The following SGMS1 variants were observed in gnomAD, a reference collection of about 807,000 sequenced individuals.
SGMS1 encodes phosphatidylcholine:ceramide cholinephosphotransferase 1.
A neutral mutation model predicts 46.2 loss-of-function variants in SGMS1; 13 were observed. The ratio of observed to expected loss-of-function variants is 0.28; its 90% confidence interval spans 0.18 to 0.45. SGMS1 has a LOEUF of 0.45. Ranked by LOEUF, SGMS1 falls within the 20% of genes least tolerant of loss-of-function variation. SGMS1 has a pLI of 1.00. For missense variants in SGMS1, 324 were observed against 519.9 expected (o/e 0.62, Z 3.66); for synonymous variants, 203 against 187.8 (o/e 1.08, Z -0.66).
chr10:50,616,227 A>G (rs1212684335), intron 1 of SGMS1, among the ~76,000 whole-genome samples: 1 of 152,082 alleles, frequency 6.6e-6, no homozygotes, highest in Non-Finnish European at 1.5e-5. Flanking sequence ...CAAGCCTCCC[A>G]CATCAGCCCC....
At chr10:50,357,173 C>T (rs1193082875) in intron 6 of SGMS1, among the ~76,000 whole-genome samples, 1 of 151,614 alleles carries the variant, frequency 6.6e-6, no homozygotes, top group African/African-American at 2.4e-5. Context: ...AAGAAATGTG[C>T]TAAATTCAAT....
intron 7 of SGMS1, among the ~76,000 whole-genome samples, chr10:50,330,695 G>T (rs1053026514): frequency 2.6e-5 from 4 of 152,160 alleles, no homozygotes; most frequent in African/African-American, 9.7e-5. Flanking sequence ...CTTGACAATG[G>T]TGCAGTGGAA....
At chr10:50,337,780 A>C (rs1847739131) in intron 7 of SGMS1, among the ~76,000 whole-genome samples, 1 of 152,102 alleles carries the variant, frequency 6.6e-6, no homozygotes, top group African/African-American at 2.4e-5. Flanking sequence ...CATTCACAGA[A>C]GAGAGGAAAA....
intron 6 of SGMS1, among the ~76,000 whole-genome samples, chr10:50,381,869 C>A (rs188423059): frequency 1.3e-5 from 2 of 152,052 alleles, no homozygotes; most frequent in African/African-American, 4.8e-5. Flanking sequence ...AAAAATAGGG[C>A]GGTCCAAGAA....
intron 2 of SGMS1, among the ~76,000 whole-genome samples, chr10:50,587,344 T>C (rs1838493257): frequency 6.6e-6 from 1 of 152,132 alleles, no homozygotes; most frequent in Non-Finnish European, 1.5e-5. Flanking sequence ...GCATAAAATA[T>C]ATGTCATTGG....
chr10:50,479,000 C>G (rs990622162), intron 3 of SGMS1, among the ~76,000 whole-genome samples: 2 of 136,600 alleles, frequency 1.5e-5, no homozygotes, highest in South Asian at 4.4e-4. Flanking sequence ...CATCCACCCC[C>G]CAACCAGTTC....
At chr10:50,569,952 T>C (rs1172079495) in intron 2 of SGMS1, among the ~76,000 whole-genome samples, 1 of 152,130 alleles carries the variant, frequency 6.6e-6, no homozygotes, top group African/African-American at 2.4e-5. Flanking sequence ...GTGACAATAA[T>C]TGTGGTTAAT....
intron 5 of SGMS1, among the ~76,000 whole-genome samples, chr10:50,439,384 T>C (rs1849514058): frequency 6.6e-6 from 1 of 152,162 alleles, no homozygotes; most frequent in African/African-American, 2.4e-5. Flanking sequence ...ATCTGAAAGC[T>C]GAGAAATGCT....
At chr10:50,384,005 CT>C (rs1336900216) in intron 6 of SGMS1, among the ~76,000 whole-genome samples, 5 of 152,270 alleles carry the variant, frequency 3.3e-5, no homozygotes, top group African/African-American at 1.2e-4. Context: ...CCCTAGAGGA[CT>C]TCTTCAACCC....
At chr10:50,367,337 C>T (rs1310683215) in intron 6 of SGMS1, among the ~76,000 whole-genome samples, 2 of 152,186 alleles carry the variant, frequency 1.3e-5, no homozygotes, top group African/African-American at 4.8e-5. Flanking sequence ...TTCAAGTCTA[C>T]CTCCCAAAAT....
chr10:50,467,824 G>C (rs1837343998), intron 3 of SGMS1, among the ~76,000 whole-genome samples: 1 of 152,216 alleles, frequency 6.6e-6, no homozygotes, highest in Admixed American at 6.5e-5. Context: ...TATTATTTCA[G>C]AAAGATGTTA....
chr10:50,531,651 G>T (rs535909476), intron 2 of SGMS1, among the ~76,000 whole-genome samples: 1 of 152,196 alleles, frequency 6.6e-6, no homozygotes, highest in African/African-American at 2.4e-5. Context: ...CTACAAAGGG[G>T]TTGGATCCAC....
intron 6 of SGMS1, among the ~76,000 whole-genome samples, chr10:50,381,242 A>G (rs1848600932): frequency 6.6e-6 from 1 of 152,052 alleles, no homozygotes; most frequent in Admixed American, 6.5e-5. Context: ...GGTATATGAA[A>G]AAGTGATCGT....
chr10:50,523,523 A>G (rs544200165), intron 2 of SGMS1, among the ~76,000 whole-genome samples: 2 of 152,342 alleles, frequency 1.3e-5, no homozygotes, highest in Admixed American at 1.3e-4. Context: ...ACATGCATTT[A>G]CATTTATTTC....
At chr10:50,405,556 A>G (rs1458518793) in intron 6 of SGMS1, among the ~76,000 whole-genome samples, 1 of 152,326 alleles carries the variant, frequency 6.6e-6, no homozygotes, top group African/African-American at 2.4e-5. Context: ...AACTGAGAAG[A>G]AAAATCTTTG....
At chr10:50,595,513 G>A (rs569912360) in intron 1 of SGMS1, among the ~76,000 whole-genome samples, 3 of 152,184 alleles carry the variant, frequency 2.0e-5, no homozygotes, top group South Asian at 4.2e-4. Flanking sequence ...CATCTCTACC[G>A]GGTATGTATT....
At chr10:50,460,260 A>G (rs1457882032) in intron 5 of SGMS1, 1 of 152,248 alleles carries the variant, frequency 6.6e-6, no homozygotes, top group Non-Finnish European at 1.5e-5. Context: ...ACCACATCCA[A>G]TCAGAAATGG....
chr10:50,509,460 C>T (rs1365475855), intron 3 of SGMS1, among the ~76,000 whole-genome samples: 2 of 152,086 alleles, frequency 1.3e-5, no homozygotes, highest in Admixed American at 1.3e-4. Flanking sequence ...TATACATACA[C>T]ATATATATAT....
chr10:50,483,459 C>T (rs1009639034), intron 3 of SGMS1, among the ~76,000 whole-genome samples: 1 of 152,110 alleles, frequency 6.6e-6, no homozygotes, highest in Non-Finnish European at 1.5e-5. Flanking sequence ...TTTAACACTC[C>T]ACTGTCAATA....
Sources: gnomAD v4.1 joint callset for allele counts (sites outside exome capture counted in the v4.1 genomes callset) on GRCh38, gnomAD v4.1.1 for gene constraint, MANE v1.5 for transcripts, NCBI Gene and HGNC (gene_info 2026-07-23, HGNC 2026-07-21) for gene names.